The following BAIAP2L1 variants were observed in gnomAD, a reference collection of about 807,000 sequenced individuals.
The protein encoded by BAIAP2L1 is BAR/IMD domain-containing adapter protein 2-like 1.
In BAIAP2L1, 35 loss-of-function variants were observed where a neutral mutation model predicts 66.3. The observed-to-expected ratio is 0.53, with a 90% confidence interval of 0.40 to 0.70. The LOEUF is 0.70. BAIAP2L1 is among the 30% of genes least tolerant of loss of function. The pLI, the probability that BAIAP2L1 is intolerant of heterozygous loss-of-function variation, is 0.00. For missense variants in BAIAP2L1, 622 were observed against 656.9 expected, an observed-to-expected ratio of 0.95 and a Z score of 0.58; for synonymous variants, 269 against 248.7, an observed-to-expected ratio of 1.08 and a Z score of -0.77.
At chr7:98,326,588 T>G (rs1354275081) in intron 3 of BAIAP2L1, among the ~76,000 whole-genome samples, 1 of 152,124 alleles carries the variant, frequency 6.6e-6, no homozygotes, top group African/African-American at 2.4e-5. Flanking sequence ...CAGTCACAAA[T>G]TACAAGTCAT....
chr7:98,311,954 A>G, intron 8 of BAIAP2L1, 143 bp downstream of exon 8: 1 of 791,038 alleles, frequency 1.3e-6, no homozygotes, highest in Non-Finnish European at 2.0e-6. Context: ...CTTCGCCCCT[A>G]AAGGTAAGGG....
At chr7:98,306,398 G>A (rs775956056) in intron 11 of BAIAP2L1, 41 bp downstream of exon 11, 4 of 1,606,186 alleles carry the variant, frequency 2.5e-6, no homozygotes, top group South Asian at 1.1e-5. Context: ...ACAAGGCAGG[G>A]GTTTCTGTCA....
chr7:98,364,830 A>G (rs1802354089), intron 1 of BAIAP2L1, among the ~76,000 whole-genome samples: 1 of 151,420 alleles, frequency 6.6e-6, no homozygotes, highest in Admixed American at 6.6e-5. Flanking sequence ...TACAAAAAAT[A>G]AAAACAATTA....
chr7:98,375,653 G>A (rs1802608908), intron 1 of BAIAP2L1, among the ~76,000 whole-genome samples: 1 of 150,012 alleles, frequency 6.7e-6, no homozygotes, highest in Non-Finnish European at 1.5e-5. Context: ...GGAGGCCGAG[G>A]CAGGAGAATC....
At chr7:98,319,011 C>G (rs13308560) in intron 5 of BAIAP2L1, among the ~76,000 whole-genome samples, 1 of 151,094 alleles carries the variant, frequency 6.6e-6, no homozygotes, top group Non-Finnish European at 1.5e-5. Flanking sequence ...AATTAGATAA[C>G]GTATGTAAAT....
intron 1 of BAIAP2L1, among the ~76,000 whole-genome samples, chr7:98,390,417 T>C (rs1030553669): frequency 4.0e-5 from 6 of 151,896 alleles, no homozygotes; most frequent in African/African-American, 9.7e-5. Context: ...ATTATAAAAG[T>C]AAGCAATTTA....
chr7:98,380,536 G>A (rs1436856544), intron 1 of BAIAP2L1, among the ~76,000 whole-genome samples: 1 of 151,870 alleles, frequency 6.6e-6, no homozygotes, highest in Non-Finnish European at 1.5e-5. Flanking sequence ...CCGCCCCCAT[G>A]ACTCAAATTA....
intron 3 of BAIAP2L1, among the ~76,000 whole-genome samples, chr7:98,351,449 G>A (rs1448208270): frequency 6.6e-6 from 1 of 152,156 alleles, no homozygotes; most frequent in East Asian, 1.9e-4. Context: ...GCTAGCAGCT[G>A]GGTCCTGGGA....
At chr7:98,393,118 T>C (rs113285584) in intron 1 of BAIAP2L1, among the ~76,000 whole-genome samples, 1 of 35,724 alleles carries the variant, frequency 2.8e-5, no homozygotes, top group African/African-American at 7.7e-5. Flanking sequence ...TATGTACACA[T>C]ATATGTATAT....
At chr7:98,361,064 A>G (rs1010737201) in intron 2 of BAIAP2L1, among the ~76,000 whole-genome samples, 1 of 152,140 alleles carries the variant, frequency 6.6e-6, no homozygotes, top group Non-Finnish European at 1.5e-5. Context: ...AGTATGGCAA[A>G]AAAGATAAGA....
At chr7:98,301,293 T>C (rs1482886546) in intron 12 of BAIAP2L1, among the ~76,000 whole-genome samples, 2 of 152,104 alleles carry the variant, frequency 1.3e-5, no homozygotes, top group Non-Finnish European at 2.9e-5. Flanking sequence ...TCAGTGATCA[T>C]GAAGTTAATC....
chr7:98,315,623 A>ATAGT lies in BAIAP2L1; in HGVS notation c.487-12_487-11insACTA. ...AACGGTCTCCACATACTAAAAAAAA[A>ATAGT]AAAATAATAATAATAATAATTATAT... On this transcript the variant is annotated splice_polypyrimidine_tract_variant and intron_variant, in intron 6 of 13. Transcript: ENST00000005260. The ATAGT allele has an allele frequency of 8.3e-7, 1 of 1,207,740 alleles. No individual in the cohort carries two copies. The highest frequency in any genetic ancestry group is 1.1e-6 in the Non-Finnish European group (1 of 924,974). 74.8% of individuals were successfully genotyped at this position (1,207,740 alleles called of 1,614,324 possible). A position where few individuals can be genotyped will look rare whatever the true frequency, so the allele number is the denominator to read the frequency against.
chr7:98,399,651 AGTT>A (rs893712699), intron 1 of BAIAP2L1, among the ~76,000 whole-genome samples: 11 of 152,320 alleles, frequency 7.2e-5, no homozygotes, highest in African/African-American at 2.6e-4. Flanking sequence ...TTAAAACAAA[AGTT>A]GTTTTGTGTT....
intron 1 of BAIAP2L1, among the ~76,000 whole-genome samples, chr7:98,364,018 CTTTTTT>C (rs34058753): frequency 6.7e-6 from 1 of 149,450 alleles, no homozygotes; most frequent in Non-Finnish European, 1.5e-5. Context: ...TTTGAATATT[CTTTTTT>C]TTTTTAAATA....
intron 1 of BAIAP2L1, among the ~76,000 whole-genome samples, chr7:98,382,008 T>C (rs1802771920): frequency 6.7e-6 from 1 of 150,370 alleles, no homozygotes; most frequent in African/African-American, 2.4e-5. Context: ...TCACTGCAAG[T>C]TCCACCTCCT....
chr7:98,331,465 C>CTTTTTTTTT (rs34202570), intron 3 of BAIAP2L1, among the ~76,000 whole-genome samples: 1 of 115,672 alleles, frequency 8.6e-6, no homozygotes, highest in Non-Finnish European at 1.7e-5. Flanking sequence ...AAAGAAAAAT[C>CTTTTTTTTT]TTTTTTTTTT....
rs142172979 is a variant in BAIAP2L1, at chr7:98,310,482, C to T, written c.918G>A (p.Thr306=). ...PLIDMFNNPA[T]AAPNSQRVNN... is the part of the protein sequence containing the mutation. ...TTACCCTTTGTGAATTCGGGGCAGC[C>T]GTGGCTGGGTTATTAAACATATCGA... Residue 306 remains threonine (T), a synonymous_variant, in exon 9 of 14, where the codon ACG becomes ACA. Transcript: ENST00000005260. The T allele has an allele frequency of 1.1e-4, 178 of 1,604,686 alleles. 1 individual carries two copies. Among genetic ancestry groups the T allele is most frequent in the South Asian group, 2.8e-4 (25 of 88,624 alleles).
At position 98,317,400 on chromosome 7, in the gene BAIAP2L1, G is replaced by A. The variant is rs762430497; in HGVS notation, c.349-44C>T. The A allele has an allele frequency of 2.8e-5, 45 of 1,606,086 alleles. No individual in the cohort carries two copies. In the East Asian group the frequency reaches 3.1e-4, roughly 11 times the overall value. ...TGCTTATTTTACTGTGGCACCACACGAATTGTCACACAGTTTGCCTTTACT... is the reference window on the plus strand; with the variant it reads ...TGCTTATTTTACTGTGGCACCACACAAATTGTCACACAGTTTGCCTTTACT... On this transcript the variant is annotated intron_variant, in intron 5 of 13. Transcript: ENST00000005260.
At position 98,367,981 on chromosome 7, in the gene BAIAP2L1, G is replaced by C. The variant is rs116159134; in HGVS notation, c.52-5549C>G. On this transcript the variant is annotated intron_variant, in intron 1 of 13. Coordinates refer to ENST00000005260, the MANE Select transcript of BAIAP2L1 (RefSeq NM_018842.5). Reference sequence around the variant, plus strand: ...CATGTAGGTTGCCACGACCATCACCGCAAGTAAAATACGGAACTGTTCCAC... The same window carrying C: ...CATGTAGGTTGCCACGACCATCACCCCAAGTAAAATACGGAACTGTTCCAC... Among the ~76,000 whole-genome samples the C allele has an allele frequency of 4.9e-3, 742 of 152,098 alleles. 3 individuals are homozygous for C. The highest frequency in any genetic ancestry group is 7.5e-3 in the Non-Finnish European group (509 of 67,996).
Sources: gnomAD v4.1 joint callset for allele counts (sites outside exome capture counted in the v4.1 genomes callset) on GRCh38, gnomAD v4.1.1 for gene constraint, MANE v1.5 for transcripts, NCBI Gene and HGNC (gene_info 2026-07-23, HGNC 2026-07-21) for gene names.